The following GMDS variants were observed in gnomAD, a reference collection of about 807,000 sequenced individuals.
GMDS encodes GDP-mannose 4,6 dehydratase.
Under a neutral mutation model 49.9 loss-of-function variants are expected in GMDS, and 20 were observed. The observed-to-expected ratio is 0.40, with a 90% CI of 0.28 to 0.58. The LOEUF is 0.58. Among genes scored for constraint, GMDS ranks in the 20% least tolerant of loss-of-function variants. The pLI, the probability that GMDS is intolerant of heterozygous loss-of-function variation, is 0.42. For missense variants in GMDS, 362 were observed against 481.4 expected (o/e 0.75, Z 2.32); for synonymous variants, 177 against 178.6 (o/e 0.99, Z 0.07).
intron 1 of GMDS, among the ~76,000 whole-genome samples, chr6:2,237,221 T>C (rs915376433): frequency 1.3e-5 from 2 of 152,178 alleles, no homozygotes; most frequent in Non-Finnish European, 2.9e-5. Context: ...ATATAAACAA[T>C]TGGGTTACTA....
intron 4 of GMDS, among the ~76,000 whole-genome samples, chr6:2,014,694 C>G (rs1348483420): frequency 6.6e-6 from 1 of 151,938 alleles, no homozygotes; most frequent in African/African-American, 2.4e-5. Flanking sequence ...AAAACTGATG[C>G]AAATATCACA....
At position 1,911,070 on chromosome 6, in the gene GMDS, G is replaced by C. The variant is rs559906397; in HGVS notation, c.771+19033C>G. Among the ~76,000 whole-genome samples the C allele has an allele frequency of 2.0e-5, 3 of 152,282 alleles. No homozygotes were observed. In the South Asian group the frequency reaches 6.2e-4, roughly 32 times the overall value. ...AGGGAAAGATGGAGGGGCTAGTTCT[G>C]AAGCATTTCGAAAGCAAAGAAAACA... On this transcript the variant is annotated intron_variant, in intron 7 of 10. Coordinates refer to ENST00000380815, the MANE Select transcript of GMDS (RefSeq NM_001500.4).
At chr6:1,994,830 A>G (rs1283247140) in intron 4 of GMDS, among the ~76,000 whole-genome samples, 1 of 152,160 alleles carries the variant, frequency 6.6e-6, no homozygotes, top group Non-Finnish European at 1.5e-5. Context: ...AGAAAAACTG[A>G]TAACTCACAT....
At chr6:2,137,914 T>C (rs985927716) in intron 1 of GMDS, among the ~76,000 whole-genome samples, 11 of 152,240 alleles carry the variant, frequency 7.2e-5, no homozygotes, top group Non-Finnish European at 1.6e-4. Context: ...AGTTAACTAC[T>C]GTATTGTACT....
intron 1 of GMDS, among the ~76,000 whole-genome samples, chr6:2,211,307 T>C (rs1345456359): frequency 6.6e-6 from 1 of 152,334 alleles, no homozygotes; most frequent in East Asian, 1.9e-4. Flanking sequence ...TCTGGGGCCA[T>C]GTCTACCACG....
chr6:2,178,590 C>T (rs1778387971), intron 1 of GMDS, among the ~76,000 whole-genome samples: 1 of 152,142 alleles, frequency 6.6e-6, no homozygotes, highest in Non-Finnish European at 1.5e-5. Context: ...AAGATTTAGG[C>T]AGGGACACAA....
chr6:2,144,930 G>C (rs1025564086), intron 1 of GMDS, among the ~76,000 whole-genome samples: 1 of 152,074 alleles, frequency 6.6e-6, no homozygotes, highest in Non-Finnish European at 1.5e-5. Flanking sequence ...AGGAAACATA[G>C]AAGCTTCCAC....
intron 4 of GMDS, among the ~76,000 whole-genome samples, chr6:1,989,207 C>T (rs914325327): frequency 1.2e-4 from 19 of 152,012 alleles, no homozygotes; most frequent in Non-Finnish European, 1.5e-5. Flanking sequence ...ACATTTAAGG[C>T]CAAGAAAAGA....
At chr6:1,959,483 CAT>C (rs1222951754) in intron 6 of GMDS, among the ~76,000 whole-genome samples, 1 of 152,108 alleles carries the variant, frequency 6.6e-6, no homozygotes, top group Admixed American at 6.5e-5. Flanking sequence ...CAAAAAATAA[CAT>C]AGATCCTACA....
intron 4 of GMDS, among the ~76,000 whole-genome samples, chr6:1,993,706 T>C (rs1270301907): frequency 6.7e-6 from 1 of 149,366 alleles, no homozygotes; most frequent in East Asian, 2.0e-4. Context: ...ACATTTACTC[T>C]CCAGCCCTCA....
chr6:1,708,789 G>C (rs763164198), intron 9 of GMDS, among the ~76,000 whole-genome samples: 8 of 152,304 alleles, frequency 5.3e-5, no homozygotes, highest in Non-Finnish European at 1.0e-4. Flanking sequence ...GCCAACCGGG[G>C]TCACGTCTCT....
At chr6:2,077,306 T>G (rs2127464406) in intron 4 of GMDS, among the ~76,000 whole-genome samples, 1 of 152,310 alleles carries the variant, frequency 6.6e-6, no homozygotes, top group African/African-American at 2.4e-5. Context: ...TGCTAGGATT[T>G]CCAGTGCCAT....
intron 1 of GMDS, among the ~76,000 whole-genome samples, chr6:2,157,132 CTT>C (rs377518839): frequency 1.2e-4 from 19 of 152,308 alleles, no homozygotes; most frequent in African/African-American, 4.3e-4. Flanking sequence ...TCTTCATAGA[CTT>C]ATGTTCTAGA....
intron 7 of GMDS, among the ~76,000 whole-genome samples, chr6:1,787,641 T>C (rs1769375442): frequency 6.6e-6 from 1 of 152,222 alleles, no homozygotes; most frequent in African/African-American, 2.4e-5. Context: ...GAACAAGTCC[T>C]GGATACTTGA....
chr6:2,043,095 C>G (rs1164231900), intron 4 of GMDS, among the ~76,000 whole-genome samples: 1 of 152,180 alleles, frequency 6.6e-6, no homozygotes, highest in South Asian at 2.1e-4. Context: ...ACAAAGGGGT[C>G]CTGCAGCAAG....
chr6:1,739,056 G>A (rs973260850), intron 8 of GMDS, among the ~76,000 whole-genome samples: 1 of 152,248 alleles, frequency 6.6e-6, no homozygotes, highest in African/African-American at 2.4e-5. Context: ...GCTGTTGAGA[G>A]CACTGAGGAT....
At chr6:1,859,762 C>G (rs563724170) in intron 7 of GMDS, among the ~76,000 whole-genome samples, 1 of 152,292 alleles carries the variant, frequency 6.6e-6, no homozygotes, top group Admixed American at 6.5e-5. Context: ...ACTGTGAAAT[C>G]AGGGGACTGA....
chr6:1,912,751 A>C (rs1034240908), intron 7 of GMDS, among the ~76,000 whole-genome samples: 6 of 152,264 alleles, frequency 3.9e-5, no homozygotes, highest in Non-Finnish European at 8.8e-5. Flanking sequence ...TTTAGAAAGC[A>C]GTATTTCACA....
chr6:1,906,625 G>A (rs1264660144), intron 7 of GMDS, among the ~76,000 whole-genome samples: 1 of 152,150 alleles, frequency 6.6e-6, no homozygotes, highest in Non-Finnish European at 1.5e-5. Context: ...GGTTAGTGGG[G>A]TGTGAAGCCC....
Sources: allele counts gnomAD v4.1 joint callset (sites outside exome capture counted in the v4.1 genomes callset), GRCh38; gene constraint gnomAD v4.1.1; transcripts MANE v1.5; gene names NCBI Gene and HGNC (gene_info 2026-07-23, HGNC 2026-07-21).